The following SERPINF2 variants were observed in gnomAD, a reference collection of about 807,000 sequenced individuals.
SERPINF2 encodes the protein serpin family F member 2.
A neutral mutation model predicts 45.0 loss-of-function variants in SERPINF2; 15 were observed. The ratio of observed to expected loss-of-function variants is 0.33; its 90% CI spans 0.22 to 0.51. The LOEUF (loss-of-function observed/expected upper bound fraction) is 0.51, where lower values mean the gene tolerates loss of function less well. SERPINF2 is among the 20% of genes least tolerant of loss of function. The probability of loss-of-function intolerance (pLI) is 0.97; values close to 1 mark genes in which losing one functional copy is unlikely to be tolerated. For synonymous variants in SERPINF2, 283 were observed against 277.9 expected (o/e 1.02, Z -0.18); for missense variants, 518 against 637.4 (o/e 0.81, Z 2.02).
At chr17:1,753,778 G>A (rs1906591594) in intron 9 of SERPINF2, among the ~76,000 whole-genome samples, 1 of 152,326 alleles carries the variant, frequency 6.6e-6, no homozygotes, top group African/African-American at 2.4e-5. Context: ...ACTGTACCAG[G>A]TACCGGGAGC....
At chr17:1,748,909 G>A (rs1287466696) in intron 8 of SERPINF2, among the ~76,000 whole-genome samples, 169 bp downstream of exon 8, 1 of 152,216 alleles carries the variant, frequency 6.6e-6, no homozygotes, top group Non-Finnish European at 1.5e-5. Context: ...ATCCTACCTG[G>A]CAGGAGGACT....
At chr17:1,747,646 C>A (rs1031755033) in intron 7 of SERPINF2, 134 bp downstream of exon 7, 3 of 941,238 alleles carry the variant, frequency 3.2e-6, no homozygotes, top group African/African-American at 3.3e-5. Flanking sequence ...CTCCCTGCAA[C>A]CTCCGCCTCC....
chr17:1,751,505 A>C (rs940525001), intron 8 of SERPINF2, among the ~76,000 whole-genome samples: 3 of 135,650 alleles, frequency 2.2e-5, no homozygotes. Flanking sequence ...CTGTAATCCC[A>C]GCACTTTGGG....
chr17:1,752,908 G>A, intron 9 of SERPINF2, 118 bp downstream of exon 9: 1 of 891,412 alleles, frequency 1.1e-6, no homozygotes, highest in Non-Finnish European at 1.7e-6. Flanking sequence ...CTCTTTTCCA[G>A]GGCTTCGGGA....
In SERPINF2 at chr17:1,745,581, C is replaced by A; in HGVS notation, c.166-127C>A. On this transcript the variant is annotated intron_variant, in intron 4 of 9. Transcript: ENST00000453066. This position sits in a 1 kb window ranked among gnomAD's most constrained non-coding sequence, Gnocchi z 6.2. Reference sequence around the variant, plus strand: ...CAGAATGCCAGTGCCCTCCGTCTGACGCTCCCTCTTCCCTGGGGCTGGGAC... The same window carrying A: ...CAGAATGCCAGTGCCCTCCGTCTGAAGCTCCCTCTTCCCTGGGGCTGGGAC... The A allele has an allele frequency of 8.4e-7, 1 of 1,195,716 alleles. No homozygotes were observed. The highest frequency in any genetic ancestry group is 1.2e-6 in the Non-Finnish European group (1 of 832,152). The allele number at this position is 1,195,716 out of a possible 1,614,324, so 74.1% of individuals were successfully genotyped here. A position where few individuals can be genotyped will look rare whatever the true frequency, so the allele number is the denominator to read the frequency against.
rs913840768 is a variant in SERPINF2 at position 1,744,506 on chromosome 17, A to G, written c.-4-486A>G. The G allele has an allele frequency of 6.1e-6, 6 of 980,012 alleles. No individual in the cohort carries two copies. In the Admixed American group the frequency reaches 3.1e-4, roughly 50 times the overall value. The allele number at this position is 980,012 out of a possible 1,614,324, so 60.7% of individuals were successfully genotyped here. On this transcript the variant is annotated intron_variant, in intron 1 of 9. Coordinates refer to ENST00000453066, the MANE Select transcript of SERPINF2 (RefSeq NM_000934.4). Reference sequence around the variant, plus strand: ...GAAACTCCGTCTCAAAAAATAAACAACAAAAAATCCCAAAAAGACGGTCTT... The same window carrying G: ...GAAACTCCGTCTCAAAAAATAAACAGCAAAAAATCCCAAAAAGACGGTCTT...
intron 7 of SERPINF2, among the ~76,000 whole-genome samples, chr17:1,748,222 G>A (rs4790284): frequency 0.22 from 33,910 of 151,092 alleles, 3,811 homozygotes; most frequent in South Asian, 0.39. Flanking sequence ...AATGGCGTGA[G>A]CCCGGGAGGC....
intron 7 of SERPINF2, 111 bp from the exon 8 acceptor site, chr17:1,748,487 G>A (rs1906071612): frequency 7.0e-7 from 1 of 1,421,896 alleles, no homozygotes; most frequent in African/African-American, 1.4e-5. Context: ...GGGTGGGACA[G>A]GCAACGGGCT....
intron 8 of SERPINF2, among the ~76,000 whole-genome samples, chr17:1,751,768 A>C (rs892895623): frequency 7.3e-6 from 1 of 137,642 alleles, no homozygotes; most frequent in African/African-American, 2.5e-5. Context: ...GAAAAGAAAA[A>C]AAAAGAAATC....
In SERPINF2 at chr17:1,745,121, G is replaced by C; in HGVS notation, c.64-54G>C. 1 of 1,603,084 alleles carries C rather than the reference G, an allele frequency of 6.2e-7. No homozygotes were observed. The highest frequency in any genetic ancestry group is 1.1e-5 in the South Asian group (1 of 90,150). ...GGGGGAAGAAGAGGGGCGTTGGCAT[G>C]GAGGGAGGGCTTGGCTCCGAGGGGA... On this transcript the variant is annotated intron_variant, in intron 2 of 9. Transcript: ENST00000453066. The surrounding 1 kb of genome is among the most constrained non-coding windows in gnomAD (Gnocchi z 6.2).
chr17:1,743,019 C>T (rs1905430042), intron 1 of SERPINF2, 111 bp downstream of exon 1: 2 of 985,320 alleles, frequency 2.0e-6, no homozygotes, highest in Non-Finnish European at 2.4e-6. Flanking sequence ...ACTCCCCAGC[C>T]TCTTCTGGGA....
intron 7 of SERPINF2, among the ~76,000 whole-genome samples, chr17:1,748,165 G>C (rs1906027532): frequency 6.6e-6 from 1 of 152,042 alleles, no homozygotes; most frequent in Non-Finnish European, 1.5e-5. Flanking sequence ...GCTGGGCGTA[G>C]TGGCGGGCAC....
Position 1,745,512 on chromosome 17 carries a change from G to A in SERPINF2, c.165+117G>A. The A allele has an allele frequency of 7.5e-7, 1 of 1,328,022 alleles. No homozygotes were observed. The highest frequency in any genetic ancestry group is 1.1e-6 in the Non-Finnish European group (1 of 947,728). The allele number at this position is 1,328,022 out of a possible 1,614,324, so 82.3% of individuals were successfully genotyped here. ...CTGAGGCTCTGGAGTCCAGAGGCCAGAAGGGAGAGAGGGTGGGGAGGACCG... is the reference window on the plus strand; with the variant it reads ...CTGAGGCTCTGGAGTCCAGAGGCCAAAAGGGAGAGAGGGTGGGGAGGACCG... On this transcript the variant is annotated intron_variant, in intron 4 of 9. Transcript: ENST00000453066. This position sits in a 1 kb window ranked among gnomAD's most constrained non-coding sequence, Gnocchi z 6.2.
intron 8 of SERPINF2, among the ~76,000 whole-genome samples, chr17:1,749,833 A>G (rs1261718909): frequency 6.6e-6 from 1 of 152,166 alleles, no homozygotes; most frequent in African/African-American, 2.4e-5. Context: ...GGACCACCCC[A>G]CGGCCATGTA....
At position 1,745,949 on chromosome 17, in the gene SERPINF2, G is replaced by T; in HGVS notation, c.367+40G>T. ...CTTGTCCAGACCAAGAGAGCTGGGAGGCCAGTAGGAACTCAGTACTCCAAT... is the reference window on the plus strand; with the variant it reads ...CTTGTCCAGACCAAGAGAGCTGGGATGCCAGTAGGAACTCAGTACTCCAAT... On this transcript the variant is annotated intron_variant, in intron 5 of 9. Coordinates refer to ENST00000453066, the MANE Select transcript of SERPINF2 (RefSeq NM_000934.4). The surrounding 1 kb of genome is among the most constrained non-coding windows in gnomAD (Gnocchi z 6.2). 6.2e-7 allele frequency: 1 copy of T among 1,605,084 alleles called. No individual in the cohort carries two copies. Among genetic ancestry groups the T allele is most frequent in the South Asian group, 1.1e-5 (1 of 90,922 alleles).
chr17:1,745,444 G>C lies in SERPINF2; in HGVS notation c.165+49G>C. 1 of 1,584,454 alleles carries C rather than the reference G, an allele frequency of 6.3e-7. No individual in the cohort carries two copies. Among genetic ancestry groups the C allele is most frequent in the Non-Finnish European group, 8.6e-7 (1 of 1,159,224 alleles). ...AGAGTGGGCGGGGCTAGAGGGAGGA[G>C]GGCCCATCGGCAGGGGTCGGGGGGT... On this transcript the variant is annotated intron_variant, in intron 4 of 9. Coordinates refer to ENST00000453066, the MANE Select transcript of SERPINF2 (RefSeq NM_000934.4). The surrounding 1 kb of genome is among the most constrained non-coding windows in gnomAD (Gnocchi z 6.2).
rs748885179 is a variant in SERPINF2 at position 1,754,407 on chromosome 17, C to T, written c.1349C>T (p.Ser450Phe). 1.2e-6 allele frequency: 2 copies of T among 1,613,390 alleles called. No individual in the cohort carries two copies. The highest frequency in any genetic ancestry group is 1.7e-5 in the Admixed American group (1 of 60,000). ...CGGGAGCTCAAGGAACAGCAGGATT[C>T]CCCGGGCAACAAGGACTTCCTCCAG... ...APRELKEQQDSPGNKDFLQSL... is the reference protein window; with the variant it reads ...APRELKEQQDFPGNKDFLQSL... The change falls in exon 10 of 10, where the codon TCC becomes TTC. Residue 450 changes from serine to phenylalanine, a missense_variant. Around this residue, in one of 2 missense-constraint regions of SERPINF2, gnomAD observed 83 missense variants for 60.0 expected, o/e 1.38. Transcript: ENST00000453066.
At chr17:1,751,709 G>A (rs1179588221) in intron 8 of SERPINF2, among the ~76,000 whole-genome samples, 2 of 134,784 alleles carry the variant, frequency 1.5e-5, no homozygotes, top group African/African-American at 5.0e-5. Context: ...AGCCGAGATT[G>A]CGCCACTGCA....
At chr17:1,749,903 C>T (rs1477684429) in intron 8 of SERPINF2, among the ~76,000 whole-genome samples, 2 of 152,150 alleles carry the variant, frequency 1.3e-5, no homozygotes, top group African/African-American at 2.4e-5. Flanking sequence ...TCACACAGTG[C>T]TCCTTAGAAA....
Sources: allele counts gnomAD v4.1 joint callset (sites outside exome capture counted in the v4.1 genomes callset), GRCh38; gene constraint gnomAD v4.1.1; regional missense constraint gnomAD v4.1.1; non-coding constraint Gnocchi (gnomAD v3.1); transcripts MANE v1.5; gene names NCBI Gene and HGNC (gene_info 2026-07-23, HGNC 2026-07-21).